Variants in CSMD1 observed in about 807,000 individuals in gnomAD.
CSMD1 encodes CUB and Sushi multiple domains 1.
A neutral mutation model predicts 417.5 loss-of-function variants in CSMD1; 213 were observed. That is an observed-to-expected ratio of 0.51 (90% CI 0.46 to 0.57). The LOEUF is 0.57. Ranked by LOEUF, CSMD1 falls within the 20% of genes least tolerant of loss-of-function variation. The probability of loss-of-function intolerance (pLI) is 0.00; values close to 1 mark genes in which losing one functional copy is unlikely to be tolerated. For synonymous variants in CSMD1, 2,862 were observed against 1,736.8 expected (o/e 1.65, Z -16.11); for missense variants, 6,923 against 4,529.7 (o/e 1.53, Z -15.17).
At chr8:4,539,284 CAT>C (rs1797262141) in intron 2 of CSMD1, among the ~76,000 whole-genome samples, 1 of 152,164 alleles carries the variant, frequency 6.6e-6, no homozygotes, top group Admixed American at 6.5e-5. Flanking sequence ...AGATAGTATG[CAT>C]ATGTGGGATG....
At chr8:3,865,014 T>G (rs1804985564) in intron 5 of CSMD1, among the ~76,000 whole-genome samples, 1 of 152,224 alleles carries the variant, frequency 6.6e-6, no homozygotes, top group South Asian at 2.1e-4. Context: ...AGGTGCTAGC[T>G]AATCTCCTAA....
At chr8:4,318,941 T>C (rs111849365) in intron 3 of CSMD1, among the ~76,000 whole-genome samples, 14 of 152,294 alleles carry the variant, frequency 9.2e-5, no homozygotes, top group African/African-American at 3.1e-4. Context: ...ACTCTCTTTA[T>C]TAAAAACAAA....
At chr8:4,567,823 T>G (rs1357926563) in intron 2 of CSMD1, among the ~76,000 whole-genome samples, 1 of 152,232 alleles carries the variant, frequency 6.6e-6, no homozygotes, top group Non-Finnish European at 1.5e-5. Flanking sequence ...CAGCATGAGC[T>G]AATGAATATT....
At chr8:3,278,908 G>C (rs1802517405) in intron 26 of CSMD1, 1 of 152,232 alleles carries the variant, frequency 6.6e-6, no homozygotes, top group African/African-American at 2.4e-5. Flanking sequence ...TCTTCCTGCA[G>C]TGAAGCAGGG....
At position 4,001,247 on chromosome 8, in the gene CSMD1, A is replaced by C. The variant is rs1815648519; in HGVS notation, c.611-3137T>G. ...CTGGGAAAACCTCTCAGTAACCTTG[A>C]CCAGAAGTGAATTTAAACCTATCTG... On this transcript the variant is annotated intron_variant, in intron 4 of 69. Coordinates refer to ENST00000635120, the MANE Select transcript of CSMD1 (RefSeq NM_033225.6). 1.3e-5 allele frequency among the ~76,000 whole-genome samples: 2 copies of C among 152,166 alleles called. 1 individual carries two copies.
rs564772302 is a variant in CSMD1 at position 2,973,114 on chromosome 8, C to T, written c.8923+3G>A. 6.2e-7 allele frequency: 1 copy of T among 1,612,750 alleles called. No individual in the cohort carries two copies. The highest frequency in any genetic ancestry group is 8.5e-7 in the Non-Finnish European group (1 of 1,179,238). On this transcript the variant is annotated splice_donor_region_variant and intron_variant, in intron 57 of 69. Transcript: ENST00000635120. Reference sequence around the variant, plus strand: ...GTGGACCTTAAGGCTTCTGGCTACTCACCCTCACACACCGGCTGCAGTCCT... The same window carrying T: ...GTGGACCTTAAGGCTTCTGGCTACTTACCCTCACACACCGGCTGCAGTCCT...
intron 1 of CSMD1, among the ~76,000 whole-genome samples, chr8:4,761,987 C>T (rs1483128008): frequency 6.6e-6 from 1 of 150,854 alleles, no homozygotes; most frequent in Non-Finnish European, 1.5e-5. Flanking sequence ...GAAAAGCAAC[C>T]AAAATTAACA....
intron 3 of CSMD1, among the ~76,000 whole-genome samples, chr8:4,366,235 A>G (rs1175339841): frequency 6.9e-6 from 1 of 145,380 alleles, no homozygotes; most frequent in African/African-American, 2.6e-5. Flanking sequence ...GCATCCATGT[A>G]GCTGCAAAAG....
chr8:3,400,570 T>C (rs1451330827), intron 15 of CSMD1, among the ~76,000 whole-genome samples: 6 of 151,984 alleles, frequency 3.9e-5, no homozygotes, highest in Admixed American at 6.6e-5. Flanking sequence ...TTATGGAAAC[T>C]GCATGACCAT....
rs545564353 is a variant in CSMD1 at position 4,172,726 on chromosome 8, C to T, written c.416-140627G>A. Among the ~76,000 whole-genome samples the T allele has an allele frequency of 3.3e-5, 5 of 152,246 alleles. No individual in the cohort carries two copies. In the South Asian group the frequency reaches 8.3e-4, roughly 25 times the overall value. On this transcript the variant is annotated intron_variant, in intron 3 of 69. Transcript: ENST00000635120. ...GCAAAAGTGACAGGATATCACTTGA[C>T]ATTAGGTTGTAAAAAGACTGTGGCT...
chr8:4,468,078 T>A (rs1800297869), intron 2 of CSMD1, among the ~76,000 whole-genome samples: 1 of 152,216 alleles, frequency 6.6e-6, no homozygotes, highest in African/African-American at 2.4e-5. Flanking sequence ...CTTCTGAAAT[T>A]GATCTGCACT....
At chr8:3,968,004 T>TAAAAAAAAAAAAAAAAAAAAAA (rs11330461) in intron 5 of CSMD1, among the ~76,000 whole-genome samples, 1 of 98,890 alleles carries the variant, frequency 1.0e-5, no homozygotes, top group African/African-American at 4.4e-5. Context: ...CGTCACTGCT[T>TAAAAAAAAAAAAAAAAAAAAAA]AAAAAAAAAA....
At chr8:4,031,568 G>T (rs1013268387) in intron 4 of CSMD1, among the ~76,000 whole-genome samples, 1 of 152,158 alleles carries the variant, frequency 6.6e-6, no homozygotes, top group Non-Finnish European at 1.5e-5. Context: ...TTTGGGTGAG[G>T]ACAGAGCTAA....
chr8:4,491,083 G>A (rs551349654), intron 2 of CSMD1, among the ~76,000 whole-genome samples: 1 of 152,172 alleles, frequency 6.6e-6, no homozygotes, highest in African/African-American at 2.4e-5. Flanking sequence ...AATAAGACAT[G>A]AGCTATTAAT....
chr8:3,685,205 G>T (rs1043329349), intron 7 of CSMD1, among the ~76,000 whole-genome samples: 1 of 152,112 alleles, frequency 6.6e-6, no homozygotes, highest in Non-Finnish European at 1.5e-5. Flanking sequence ...CAAAATTGAA[G>T]CCACTGCCCT....
chr8:4,910,320 C>A (rs1434016014), intron 1 of CSMD1, among the ~76,000 whole-genome samples: 1 of 152,122 alleles, frequency 6.6e-6, no homozygotes, highest in Non-Finnish European at 1.5e-5. Flanking sequence ...TAAGCTTTTT[C>A]TGTCAATGTT....
At chr8:3,684,622 G>C (rs560077464) in intron 7 of CSMD1, among the ~76,000 whole-genome samples, 3 of 144,864 alleles carry the variant, frequency 2.1e-5, no homozygotes, top group Non-Finnish European at 3.0e-5. Context: ...TTTTTAGACG[G>C]AGTCTCGCTC....
At chr8:4,855,854 A>G (rs1286445383) in intron 1 of CSMD1, among the ~76,000 whole-genome samples, 3 of 151,192 alleles carry the variant, frequency 2.0e-5, no homozygotes, top group Admixed American at 2.0e-4. Context: ...GATATTATCC[A>G]GGAGAACTTC....
At chr8:4,195,365 G>A (rs958523488) in intron 3 of CSMD1, among the ~76,000 whole-genome samples, 3 of 152,186 alleles carry the variant, frequency 2.0e-5, no homozygotes, top group African/African-American at 7.2e-5. Flanking sequence ...TAACAAATTG[G>A]ATCTTCTATA....
Sources: allele counts gnomAD v4.1 joint callset (sites outside exome capture counted in the v4.1 genomes callset), GRCh38; gene constraint gnomAD v4.1.1; transcripts MANE v1.5; gene names NCBI Gene and HGNC (gene_info 2026-07-23, HGNC 2026-07-21).